Variants in UNC13C observed in about 807,000 individuals in gnomAD.
UNC13C encodes the protein unc-13 homolog C.
A neutral mutation model predicts 245.4 loss-of-function variants in UNC13C; 174 were observed. The observed-to-expected ratio is 0.71, with a 90% CI of 0.63 to 0.80. The LOEUF is 0.80. Among genes scored for constraint, UNC13C ranks in the 30% least tolerant of loss-of-function variants. The pLI, the probability that UNC13C is intolerant of heterozygous loss-of-function variation, is 0.00. For synonymous variants in UNC13C, 992 were observed against 895.1 expected (o/e 1.11, Z -1.93); for missense variants, 2,829 against 2,602.9 (o/e 1.09, Z -1.89).
intron 19 of UNC13C, among the ~76,000 whole-genome samples, chr15:54,491,035 C>CA (rs921264360): frequency 1.3e-5 from 2 of 152,200 alleles, no homozygotes; most frequent in African/African-American, 4.8e-5. Context: ...GTTAACATAT[C>CA]ACCCTTTCTT....
rs374389411 is a variant in UNC13C at position 54,163,463 on chromosome 15, C to A, written c.3071+19779C>A. Reference sequence around the variant, plus strand: ...AATTTGTTACAGCAGCAATGGTAAACTAATATATTCTCCATCAATTTTTTA... The same window carrying A: ...AATTTGTTACAGCAGCAATGGTAAAATAATATATTCTCCATCAATTTTTTA... On this transcript the variant is annotated intron_variant, in intron 4 of 32. Transcript: ENST00000260323. Among the ~76,000 whole-genome samples, 106 of 152,216 alleles carry A rather than the reference C, an allele frequency of 7.0e-4. 1 individual carries two copies. In the South Asian group the frequency reaches 0.021, roughly 31 times the overall value.
chr15:54,188,001 A>G (rs2034053638), intron 4 of UNC13C, among the ~76,000 whole-genome samples: 2 of 152,060 alleles, frequency 1.3e-5, no homozygotes. Context: ...TATTTTTTGT[A>G]GAGATGGAGT....
intron 30 of UNC13C, among the ~76,000 whole-genome samples, chr15:54,584,506 C>G (rs1321666914): frequency 6.6e-6 from 1 of 152,186 alleles, no homozygotes; most frequent in Non-Finnish European, 1.5e-5. Context: ...GTGCCATGTC[C>G]TACATTGTTA....
intron 19 of UNC13C, among the ~76,000 whole-genome samples, chr15:54,478,287 AT>A (rs199544402): frequency 0.29 from 31,843 of 108,184 alleles, 5,133 homozygotes; most frequent in East Asian, 0.5. Context: ...TTTTTTGAAG[AT>A]TTTTTTTTTG....
At chr15:54,102,877 T>G (rs1900236172) in intron 2 of UNC13C, among the ~76,000 whole-genome samples, 1 of 152,248 alleles carries the variant, frequency 6.6e-6, no homozygotes, top group Admixed American at 6.5e-5. Flanking sequence ...CATTCTTTGC[T>G]AATGCTGTTG....
At chr15:54,491,071 A>G (rs1011161383) in intron 19 of UNC13C, among the ~76,000 whole-genome samples, 3 of 152,198 alleles carry the variant, frequency 2.0e-5, no homozygotes, top group African/African-American at 4.8e-5. Flanking sequence ...CTTCAGATCA[A>G]TGTGTTTATA....
rs781676972 is a variant in UNC13C, at chr15:54,013,240, A to G, written c.337A>G (p.Asn113Asp). The G allele has an allele frequency of 4.3e-6, 7 of 1,613,756 alleles. No individual in the cohort carries two copies. Among genetic ancestry groups the G allele is most frequent in the Non-Finnish European group, 5.9e-6 (7 of 1,179,826 alleles). Residue 113 changes from asparagine (N) to aspartate (D), a missense_variant, in exon 2 of 33, where the codon AAT becomes GAT. Asn to Asp is a conservative substitution (Grantham distance 23, BLOSUM62 1). Transcript: ENST00000260323. ...GAATGCTAAAGTAACCAACAGTGATAATGAGGATCTGCTTCAAGAGCTCTC... is the reference window on the plus strand; with the variant it reads ...GAATGCTAAAGTAACCAACAGTGATGATGAGGATCTGCTTCAAGAGCTCTC... ...QKNAKVTNSD[N>D]EDLLQELSSI...
chr15:54,104,688 G>GT (rs35275247), intron 2 of UNC13C, among the ~76,000 whole-genome samples: 28,098 of 150,062 alleles, frequency 0.19, 2,722 homozygotes, highest in Admixed American at 0.24. Context: ...TATATTTACA[G>GT]TTTTTTTTTT....
At position 54,617,938 on chromosome 15, in the gene UNC13C, T is replaced by A. The variant is rs557141571; in HGVS notation, c.6107-4389T>A. On this transcript the variant is annotated intron_variant, in intron 30 of 32. Coordinates refer to ENST00000260323, the MANE Select transcript of UNC13C (RefSeq NM_001080534.3). ...TTTTGTGGGGCCCAGCAAAGGTGCA[T>A]GGGGCCAGATTCAAATTTGTCAGAA... is the stretch of plus-strand genomic sequence containing the variant. 2.0e-5 allele frequency among the ~76,000 whole-genome samples: 3 copies of A among 152,168 alleles called. No individual in the cohort carries two copies. The South Asian group carries it at 6.2e-4, about 32-fold the overall frequency.
chr15:54,539,168 A>G (rs1896129202), intron 26 of UNC13C, among the ~76,000 whole-genome samples: 1 of 152,026 alleles, frequency 6.6e-6, no homozygotes, highest in Admixed American at 6.6e-5. Flanking sequence ...GTATACTATG[A>G]CTTCTGTTTT....
At chr15:54,195,096 A>G (rs2034308676) in intron 4 of UNC13C, among the ~76,000 whole-genome samples, 1 of 100,866 alleles carries the variant, frequency 9.9e-6, no homozygotes. Flanking sequence ...GTTCTTCCCC[A>G]TGATCTCTGA....
the UNC13C span, among the ~76,000 whole-genome samples, chr15:53,894,760 A>T: frequency 6.6e-6 from 1 of 152,178 alleles, no homozygotes; most frequent in Admixed American, 6.5e-5. Context: ...TTATTCATTT[A>T]TTTGACTGTA....
chr15:54,327,057 G>A (rs1388575402), intron 14 of UNC13C, among the ~76,000 whole-genome samples: 2 of 152,038 alleles, frequency 1.3e-5, no homozygotes, highest in African/African-American at 2.4e-5. Context: ...GTGTCTCTAT[G>A]TGTGTTGAAC....
intron 2 of UNC13C, among the ~76,000 whole-genome samples, chr15:54,119,385 T>G (rs2141190980): frequency 1.3e-5 from 2 of 152,270 alleles, no homozygotes; most frequent in Middle Eastern, 6.8e-3. Flanking sequence ...CAGTGACCTT[T>G]GATATTACTA....
chr15:54,389,643 T>A (rs1301252028), intron 17 of UNC13C, among the ~76,000 whole-genome samples: 1 of 152,274 alleles, frequency 6.6e-6, no homozygotes, highest in Non-Finnish European at 1.5e-5. Flanking sequence ...CATCAAAAGC[T>A]GTTATAGCCC....
chr15:54,007,568 C>T (rs559880160), intron 1 of UNC13C, among the ~76,000 whole-genome samples: 9 of 152,188 alleles, frequency 5.9e-5, no homozygotes, highest in African/African-American at 1.9e-4. Context: ...AATGAGGACA[C>T]GTGGACTCAG....
chr15:54,176,326 A>C (rs1375855053), intron 4 of UNC13C, among the ~76,000 whole-genome samples: 1 of 152,172 alleles, frequency 6.6e-6, no homozygotes, highest in Non-Finnish European at 1.5e-5. Flanking sequence ...ATTACAGTGA[A>C]AGTACTGAGA....
At chr15:54,123,244 T>C (rs2030801840) in intron 2 of UNC13C, among the ~76,000 whole-genome samples, 1 of 151,960 alleles carries the variant, frequency 6.6e-6, no homozygotes. Context: ...TATTCTCTTG[T>C]ACAGTCTCCA....
intron 19 of UNC13C, among the ~76,000 whole-genome samples, chr15:54,489,784 C>A (rs893915339): frequency 2.0e-5 from 3 of 152,156 alleles, no homozygotes; most frequent in African/African-American, 7.2e-5. Context: ...CCAACAAAAT[C>A]TTATGTTTAG....
Sources: allele counts gnomAD v4.1 joint callset (sites outside exome capture counted in the v4.1 genomes callset), GRCh38; gene constraint gnomAD v4.1.1; transcripts MANE v1.5; gene names NCBI Gene and HGNC (gene_info 2026-07-23, HGNC 2026-07-21).